MARCHF3: variants seen among roughly 807,000 people sequenced by gnomAD.
The protein encoded by MARCHF3 is E3 ubiquitin-protein ligase MARCHF3.
Under a neutral mutation model 24.2 loss-of-function variants are expected in MARCHF3, and 13 were observed. The observed-to-expected ratio is 0.54, with a 90% CI of 0.35 to 0.85. The LOEUF (loss-of-function observed/expected upper bound fraction) is 0.85, where lower values mean the gene tolerates loss of function less well. Ranked by LOEUF, MARCHF3 falls within the 40% of genes least tolerant of loss-of-function variation. The pLI, the probability that MARCHF3 is intolerant of heterozygous loss-of-function variation, is 0.01. For missense variants in MARCHF3, 276 were observed against 325.0 expected (o/e 0.85, Z 1.16); for synonymous variants, 144 against 137.3 (o/e 1.05, Z -0.34).
chr5:126,868,888 G>A lies in MARCHF3; in HGVS notation c.*1745C>T, dbSNP rs771891990. The A allele has an allele frequency of 5.3e-5, 8 of 152,274 alleles. No individual in the cohort carries two copies. The highest frequency in any genetic ancestry group is 1.0e-4 in the Non-Finnish European group (7 of 68,076). 9.4% of individuals were successfully genotyped at this position (152,274 alleles called of 1,614,324 possible). On this transcript the variant is annotated 3_prime_UTR_variant, in exon 5 of 5. Transcript: ENST00000308660. ...AAGGTCAATTAAGAAACGGTTGATGGTGGTGCAGCTAATGACAGCCCAGGG... is the reference window on the plus strand; with the variant it reads ...AAGGTCAATTAAGAAACGGTTGATGATGGTGCAGCTAATGACAGCCCAGGG...
At chr5:126,959,847 T>G (rs1246961259) in intron 1 of MARCHF3, among the ~76,000 whole-genome samples, 2 of 152,280 alleles carry the variant, frequency 1.3e-5, no homozygotes, top group South Asian at 2.1e-4. Flanking sequence ...CAGTAAGCAT[T>G]GCTTGGTATT....
chr5:126,946,761 G>GGTGTGTGTGTGTGTGTGTGT lies in MARCHF3; in HGVS notation c.-56-28554_-56-28535dup, dbSNP rs58269583. On this transcript the variant is annotated intron_variant, in intron 1 of 4. Coordinates refer to ENST00000308660, the MANE Select transcript of MARCHF3 (RefSeq NM_178450.5). ...AGGGAGAGGGACTCGTGTAAGTAGG[G>GGTGTGTGTGTGTGTGTGTGT]GTGTGTGTGTGTGTGTGTGTGTGTG... Among the ~76,000 whole-genome samples the GGTGTGTGTGTGTGTGTGTGT allele has an allele frequency of 1.2e-3, 164 of 136,040 alleles. 2 individuals are homozygous for GGTGTGTGTGTGTGTGTGTGT. Among genetic ancestry groups the GGTGTGTGTGTGTGTGTGTGT allele is most frequent in the East Asian group, 4.3e-3 (19 of 4,462 alleles). 89.2% of individuals were successfully genotyped at this position (136,040 alleles called of 152,430 possible). A position where few individuals can be genotyped will look rare whatever the true frequency, so the allele number is the denominator to read the frequency against.
rs1314400142 is a variant in MARCHF3 at position 126,870,768 on chromosome 5, T to C, written c.627A>G (p.Arg209=). ...WTLVSFRYHC[R]LYNEWRRTNQ... ...TGGTCCGACGCCACTCGTTGTACAA[T>C]CGACAGTGGTACCTAAATGACACCT... The change falls in exon 5 of 5, where the codon CGA becomes CGG. Residue 209 remains arginine (R), a synonymous_variant. Transcript: ENST00000308660. 1 of 1,613,946 alleles carries C rather than the reference T, an allele frequency of 6.2e-7. No homozygotes were observed. Among genetic ancestry groups the C allele is most frequent in the Non-Finnish European group, 8.5e-7 (1 of 1,179,992 alleles).
At chr5:126,953,643 A>C (rs1047131719) in intron 1 of MARCHF3, among the ~76,000 whole-genome samples, 4 of 152,192 alleles carry the variant, frequency 2.6e-5, no homozygotes, top group African/African-American at 9.7e-5. Context: ...ACTTCTTTGT[A>C]AGTAACTTTT....
At chr5:126,926,693 G>C (rs921956819) in intron 1 of MARCHF3, among the ~76,000 whole-genome samples, 1 of 152,022 alleles carries the variant, frequency 6.6e-6, no homozygotes, top group Non-Finnish European at 1.5e-5. Flanking sequence ...CTCTGGTTTT[G>C]GGTCAGGGAG....
In MARCHF3 at chr5:127,030,465, G is replaced by A. The variant is rs1753149065; in HGVS notation, c.-172C>T. On this transcript the variant is annotated 5_prime_UTR_variant, in exon 1 of 5. Transcript: ENST00000308660. ...TGGACCAGGGCACATTGGTTCCGGC[G>A]GGCACCTCAGGGGGAGTGCGGCAAG... The A allele has an allele frequency of 6.6e-6, 1 of 152,386 alleles. No individual in the cohort carries two copies. The highest frequency in any genetic ancestry group is 2.4e-5 in the African/African-American group (1 of 41,462). 9.4% of individuals were successfully genotyped at this position (152,386 alleles called of 1,614,324 possible).
At chr5:126,871,689 G>A (rs1469043333) in intron 4 of MARCHF3, among the ~76,000 whole-genome samples, 2 of 151,590 alleles carry the variant, frequency 1.3e-5, no homozygotes, top group Non-Finnish European at 2.9e-5. Context: ...TTGCAACACT[G>A]CTTCAAACTT....
At chr5:126,911,468 C>A (rs1489113373) in intron 3 of MARCHF3, among the ~76,000 whole-genome samples, 1 of 152,156 alleles carries the variant, frequency 6.6e-6, no homozygotes, top group Non-Finnish European at 1.5e-5. Context: ...ACCTACATGA[C>A]TATCAGGGGC....
Position 126,928,325 on chromosome 5 carries a change from A to T in MARCHF3, c.-56-10098T>A, listed in dbSNP as rs1165109734. Among the ~76,000 whole-genome samples the T allele has an allele frequency of 3.9e-5, 6 of 152,252 alleles. No individual in the cohort carries two copies. In the East Asian group the frequency reaches 1.2e-3, roughly 29 times the overall value. ...GATGCTGAAGAAAGCAAGTTATTCCAGCTAAGATCAGCATTAACTTCAACA... is the reference window on the plus strand; with the variant it reads ...GATGCTGAAGAAAGCAAGTTATTCCTGCTAAGATCAGCATTAACTTCAACA... On this transcript the variant is annotated intron_variant, in intron 1 of 4. Transcript: ENST00000308660.
At chr5:126,993,683 G>A (rs1751851810) in intron 1 of MARCHF3, among the ~76,000 whole-genome samples, 1 of 151,504 alleles carries the variant, frequency 6.6e-6, no homozygotes, top group South Asian at 2.1e-4. Context: ...TTCAGGCAGG[G>A]AAAAAAAAGT....
chr5:126,985,558 C>G (rs766483399), intron 1 of MARCHF3, among the ~76,000 whole-genome samples: 2 of 151,762 alleles, frequency 1.3e-5, no homozygotes, highest in East Asian at 1.9e-4. Flanking sequence ...CAACCTCCCC[C>G]TCTTGGGTTC....
chr5:126,957,514 T>TACACCAAA (rs1268315442), intron 1 of MARCHF3, among the ~76,000 whole-genome samples: 2 of 152,186 alleles, frequency 1.3e-5, no homozygotes, highest in African/African-American at 4.8e-5. Flanking sequence ...TTTTGGTGTA[T>TACACCAAA]TGCATGATGT....
chr5:126,902,715 A>G (rs1273837442), intron 3 of MARCHF3, among the ~76,000 whole-genome samples: 1 of 152,114 alleles, frequency 6.6e-6, no homozygotes, highest in African/African-American at 2.4e-5. Context: ...ATACCTTCAA[A>G]CAGCTTCTTT....
intron 1 of MARCHF3, among the ~76,000 whole-genome samples, chr5:126,973,494 G>A (rs1447415868): frequency 1.3e-5 from 2 of 152,230 alleles, no homozygotes; most frequent in Non-Finnish European, 2.9e-5. Flanking sequence ...GCAGCTCTGA[G>A]GTCACACTGC....
chr5:126,957,810 A>T (rs1230664302), intron 1 of MARCHF3, among the ~76,000 whole-genome samples: 2 of 152,148 alleles, frequency 1.3e-5, no homozygotes, highest in Non-Finnish European at 2.9e-5. Flanking sequence ...TATTTTTAAA[A>T]TCATCATCTA....
At chr5:126,965,533 A>T (rs1336571520) in intron 1 of MARCHF3, among the ~76,000 whole-genome samples, 1 of 152,180 alleles carries the variant, frequency 6.6e-6, no homozygotes, top group Admixed American at 6.5e-5. Flanking sequence ...TTGGGGGAAA[A>T]TTTTTTAGGC....
At chr5:127,029,061 C>G (rs1370495956) in intron 1 of MARCHF3, among the ~76,000 whole-genome samples, 1 of 152,214 alleles carries the variant, frequency 6.6e-6, no homozygotes, top group African/African-American at 2.4e-5. Context: ...TGGACATACT[C>G]TGACCCAGAC....
chr5:126,947,280 A>AGG (rs1750058704), intron 1 of MARCHF3, among the ~76,000 whole-genome samples: 9 of 152,254 alleles, frequency 5.9e-5, no homozygotes, highest in Non-Finnish European at 1.5e-5. Flanking sequence ...CTTTACAGCA[A>AGG]GCTGTGACAG....
At chr5:127,021,985 T>C (rs1301207952) in intron 1 of MARCHF3, among the ~76,000 whole-genome samples, 1 of 152,240 alleles carries the variant, frequency 6.6e-6, no homozygotes, top group Non-Finnish European at 1.5e-5. Flanking sequence ...CCCTTCTCCA[T>C]ATTCTGTGTA....
Sources: allele counts gnomAD v4.1 joint callset (sites outside exome capture counted in the v4.1 genomes callset), GRCh38; gene constraint gnomAD v4.1.1; transcripts MANE v1.5; gene names NCBI Gene and HGNC (gene_info 2026-07-23, HGNC 2026-07-21).